The following MAP1B variants were observed in gnomAD, a reference collection of about 807,000 sequenced individuals.
The protein encoded by MAP1B is microtubule associated protein 1B.
In MAP1B, 12 loss-of-function variants were observed where a neutral mutation model predicts 176.1. The observed-to-expected ratio is 0.07, with a 90% CI of 0.04 to 0.11. MAP1B has a LOEUF of 0.11. MAP1B is among the 10% of genes least tolerant of loss of function. MAP1B has a pLI of 1.00. For missense variants in MAP1B, 2,523 were observed against 2,990.5 expected (o/e 0.84, Z 3.65); for synonymous variants, 1,044 against 1,135.0 (o/e 0.92, Z 1.61).
At chr5:72,171,108 G>C (rs556685367) in intron 2 of MAP1B, among the ~76,000 whole-genome samples, 24 of 152,126 alleles carry the variant, frequency 1.6e-4, no homozygotes, top group Non-Finnish European at 3.2e-4. Flanking sequence ...TAAAGTGAAA[G>C]GGGGAAAAGA....
chr5:72,199,358 TG>T lies in MAP1B; in HGVS notation c.6007del (p.Asp2003ThrfsTer233). 1 of 1,614,098 alleles carries T rather than the reference TG, an allele frequency of 6.2e-7. No individual in the cohort carries two copies. The highest frequency in any genetic ancestry group is 8.5e-7 in the Non-Finnish European group (1 of 1,180,024). On this transcript the variant is annotated frameshift_variant, in exon 5 of 7. Coordinates refer to ENST00000296755, the MANE Select transcript of MAP1B (RefSeq NM_005909.5). LOFTEE classifies it high-confidence loss of function. The surrounding 1 kb of genome is among the most constrained non-coding windows in gnomAD (Gnocchi z 4.2). Reference sequence around the variant, plus strand: ...ACTCTGAGGATGGTGGCCACACACTTGGGGACCCCAGCTACTCTTATGAAAC... The same window carrying T: ...ACTCTGAGGATGGTGGCCACACACTTGGGACCCCAGCTACTCTTATGAAAC... Reference protein sequence around the residue: ...DDSEDGGHTLGDPSYSYETTE... With the variant: ...DDSEDGGHTLXDPSYSYETTE...
chr5:72,169,221 G>A (rs561029877), intron 2 of MAP1B, among the ~76,000 whole-genome samples: 4 of 152,280 alleles, frequency 2.6e-5, no homozygotes, highest in Middle Eastern at 3.4e-3. Context: ...TCCAATGCGC[G>A]TGTGAGAAAA....
chr5:72,134,194 A>G (rs1355327102), intron 2 of MAP1B, among the ~76,000 whole-genome samples: 1 of 152,216 alleles, frequency 6.6e-6, no homozygotes, highest in Non-Finnish European at 1.5e-5. Context: ...TTTTATTTAA[A>G]TTGCTACTTG....
At chr5:72,152,942 A>G (rs933893887) in intron 2 of MAP1B, among the ~76,000 whole-genome samples, 1 of 152,178 alleles carries the variant, frequency 6.6e-6, no homozygotes, top group African/African-American at 2.4e-5. Flanking sequence ...CAGCAACGCA[A>G]TTCCACCAGA....
At chr5:72,181,968 C>T (rs1746777383) in intron 2 of MAP1B, among the ~76,000 whole-genome samples, 8 of 151,654 alleles carry the variant, frequency 5.3e-5, no homozygotes. Context: ...TCGTGATCCA[C>T]CTGCCTTGGC....
intron 2 of MAP1B, among the ~76,000 whole-genome samples, chr5:72,178,725 G>GGGGTGT (rs761860242): frequency 1.3e-4 from 18 of 140,506 alleles, no homozygotes; most frequent in East Asian, 1.3e-3. Flanking sequence ...GCCTCTGAGG[G>GGGGTGT]GTGTGTGTGT....
intron 2 of MAP1B, among the ~76,000 whole-genome samples, chr5:72,128,313 C>A (rs2112137541): frequency 6.6e-6 from 1 of 151,284 alleles, no homozygotes; most frequent in Non-Finnish European, 1.5e-5. Context: ...GTGGTGTCCT[C>A]AATACTAATA....
chr5:72,118,745 G>A lies in MAP1B; in HGVS notation c.286+2946G>A, dbSNP rs866061042. Among the ~76,000 whole-genome samples, 65 of 152,260 alleles carry A rather than the reference G, an allele frequency of 4.3e-4. 1 individual carries two copies. In the Middle Eastern group the frequency reaches 0.017, roughly 40 times the overall value. ...TTATAGGCATGAGCCACCATGCCCA[G>A]CCACAGTTTTGTTTTGTTTTAAGGC... is the stretch of plus-strand genomic sequence containing the variant. On this transcript the variant is annotated intron_variant, in intron 2 of 6. Transcript: ENST00000296755.
intron 2 of MAP1B, 104 bp from the exon 3 acceptor site, chr5:72,183,639 A>C: frequency 1.3e-6 from 1 of 770,212 alleles, no homozygotes; most frequent in Non-Finnish European, 2.3e-6. Flanking sequence ...GCTGTGTACC[A>C]CGTCGGAGGC....
rs565442894 is a variant in MAP1B at position 72,197,665 on chromosome 5, G to A, written c.4310G>A (p.Gly1437Asp). The A allele has an allele frequency of 8.9e-5, 143 of 1,614,160 alleles. 3 individuals are homozygous for A. In the South Asian group the frequency reaches 1.5e-3, roughly 17 times the overall value. Residue 1437 changes from glycine (G) to aspartate (D), a missense_variant, in exon 5 of 7, where the codon GGC (glycine) becomes GAC (aspartate). Physicochemically the swap from Gly to Asp is moderately conservative, Grantham distance 94 (BLOSUM62 -1). Coordinates refer to ENST00000296755, the MANE Select transcript of MAP1B (RefSeq NM_005909.5). ...TTTGAAGAAAAGAGTGGAAAACAAG[G>A]CTCTCCAGACCAAGTAAGTCCAGTT... is the stretch of plus-strand genomic sequence containing the variant. Reference protein sequence around the residue: ...SPFEEKSGKQGSPDQVSPVSE... With the variant: ...SPFEEKSGKQDSPDQVSPVSE...
chr5:72,119,622 C>T (rs1226427534), intron 2 of MAP1B, among the ~76,000 whole-genome samples: 1 of 152,180 alleles, frequency 6.6e-6, no homozygotes, highest in Non-Finnish European at 1.5e-5. Context: ...ATCCCCCCAC[C>T]TCAGCCTCCT....
At chr5:72,158,736 C>T (rs1012572969) in intron 2 of MAP1B, among the ~76,000 whole-genome samples, 1 of 152,130 alleles carries the variant, frequency 6.6e-6, no homozygotes, top group African/African-American at 2.4e-5. Flanking sequence ...CCTTATTGTT[C>T]TAAGACTCGT....
Position 72,196,610 on chromosome 5 carries a change from T to C in MAP1B, c.3255T>C (p.Ile1085=), listed in dbSNP as rs1413173135. The change falls in exon 5 of 7, where the codon ATT becomes ATC. Residue 1085 remains isoleucine, a synonymous_variant. Coordinates refer to ENST00000296755, the MANE Select transcript of MAP1B (RefSeq NM_005909.5). This position sits in a 1 kb window ranked among gnomAD's most constrained non-coding sequence, Gnocchi z 5.3. Reference sequence around the variant, plus strand: ...CTGGCCGAGAACCTGCATCTTCAATTCATGATGAGACTTTACCTGGAGGCT... The same window carrying C: ...CTGGCCGAGAACCTGCATCTTCAATCCATGATGAGACTTTACCTGGAGGCT... The part of the protein sequence containing the change: ...QSPGREPASS[I]HDETLPGGSE... 1 of 1,613,982 alleles carries C rather than the reference T, an allele frequency of 6.2e-7. No homozygotes were observed. The highest frequency in any genetic ancestry group is 1.7e-5 in the Admixed American group (1 of 60,014).
chr5:72,205,420 G>A lies in MAP1B; in HGVS notation c.*181G>A, dbSNP rs750038401. On this transcript the variant is annotated 3_prime_UTR_variant, in exon 7 of 7. Coordinates refer to ENST00000296755, the MANE Select transcript of MAP1B (RefSeq NM_005909.5). ...TTTCTCAGTTTTTGCTGATTGCTAA[G>A]GGAAATAACAGTATTTCCACAATAG... is the stretch of plus-strand genomic sequence containing the variant. 6.7e-6 allele frequency: 4 copies of A among 598,544 alleles called. No individual in the cohort carries two copies. Among genetic ancestry groups the A allele is most frequent in the Non-Finnish European group, 1.1e-5 (4 of 350,574 alleles). 37.1% of individuals were successfully genotyped at this position (598,544 alleles called of 1,614,324 possible). A position where few individuals can be genotyped will look rare whatever the true frequency, so the allele number is the denominator to read the frequency against.
chr5:72,178,654 C>T (rs1463120160), intron 2 of MAP1B, among the ~76,000 whole-genome samples: 2 of 151,910 alleles, frequency 1.3e-5, no homozygotes, highest in East Asian at 3.9e-4. Context: ...GAGTAGAAAT[C>T]AGAGGCTTGC....
Position 72,197,199 on chromosome 5 carries a change from A to T in MAP1B, c.3844A>T (p.Thr1282Ser), listed in dbSNP as rs901856579. 1 of 1,614,042 alleles carries T rather than the reference A, an allele frequency of 6.2e-7. No homozygotes were observed. The highest frequency in any genetic ancestry group is 2.2e-5 in the East Asian group (1 of 44,894). ...TGAACGTAGTGTGAACTTCTCTCTG[A>T]CGCCCAATGAGATTAAAGTCTCTGC... ...LGERSVNFSL[T>S]PNEIKVSAEA... The change falls in exon 5 of 7, where the codon ACG becomes TCG. Residue 1282 changes from threonine to serine, a missense_variant. By Grantham distance (58) the Thr-to-Ser change is moderately conservative. This residue lies in a region of MAP1B where 1,925 missense variants were observed against 2,126.0 expected (regional missense o/e 0.91). Coordinates refer to ENST00000296755, the MANE Select transcript of MAP1B (RefSeq NM_005909.5).
intron 4 of MAP1B, among the ~76,000 whole-genome samples, chr5:72,191,866 T>C (rs183357698): frequency 1.5e-4 from 23 of 152,328 alleles, no homozygotes; most frequent in African/African-American, 5.5e-4. Flanking sequence ...CTGCATTTCA[T>C]AGAAATTCTC....
chr5:72,123,781 G>A (rs1745574234), intron 2 of MAP1B, among the ~76,000 whole-genome samples: 1 of 152,052 alleles, frequency 6.6e-6, no homozygotes, highest in Non-Finnish European at 1.5e-5. Flanking sequence ...ACCGCACCCG[G>A]CCTATGCCCA....
intron 2 of MAP1B, among the ~76,000 whole-genome samples, chr5:72,117,435 A>G (rs1202470436): frequency 6.6e-6 from 1 of 152,170 alleles, no homozygotes; most frequent in Non-Finnish European, 1.5e-5. Context: ...TGTACAAGTC[A>G]TGTGGTTCTC....
Sources: gnomAD v4.1 joint callset for allele counts (sites outside exome capture counted in the v4.1 genomes callset) on GRCh38, gnomAD v4.1.1 for gene constraint, gnomAD v4.1.1 regional missense constraint, Gnocchi (gnomAD v3.1) non-coding constraint, MANE v1.5 for transcripts, NCBI Gene and HGNC (gene_info 2026-07-23, HGNC 2026-07-21) for gene names.